DPP8: variants seen among roughly 807,000 people sequenced by gnomAD.
The protein encoded by DPP8 is dipeptidyl peptidase 8, also known as DPP VIII.
A neutral mutation model predicts 107.5 loss-of-function variants in DPP8; 31 were observed. The observed-to-expected ratio is 0.29, with a 90% CI of 0.22 to 0.39. The LOEUF is 0.39. Ranked by LOEUF, DPP8 falls within the 10% of genes least tolerant of loss-of-function variation. The probability of loss-of-function intolerance (pLI) is 1.00; values close to 1 mark genes in which losing one functional copy is unlikely to be tolerated. For missense variants in DPP8, 842 were observed against 1,076.1 expected (o/e 0.78, Z 3.04); for synonymous variants, 381 against 356.6 (o/e 1.07, Z -0.77).
intron 12 of DPP8, among the ~76,000 whole-genome samples, chr15:65,469,347 C>T (rs2065646074): frequency 6.9e-6 from 1 of 144,574 alleles, no homozygotes; most frequent in Non-Finnish European, 1.6e-5. Context: ...TTGAGAACCA[C>T]CCTTAACAAT....
intron 2 of DPP8, among the ~76,000 whole-genome samples, chr15:65,508,172 G>T (rs185930110): frequency 1.3e-5 from 2 of 150,902 alleles, no homozygotes; most frequent in Non-Finnish European, 3.0e-5. Context: ...CCCAGGAGAC[G>T]GAGATTGCAG....
At chr15:65,456,087 C>T (rs1407528454) in intron 16 of DPP8, 138 bp downstream of exon 16, 7 of 1,082,268 alleles carry the variant, frequency 6.5e-6, no homozygotes, top group Non-Finnish European at 9.0e-6. Flanking sequence ...TTCTCTCCCA[C>T]CCCCAAACTC....
At chr15:65,447,228 GT>G (rs141277247) in intron 19 of DPP8, among the ~76,000 whole-genome samples, 9,132 of 152,144 alleles carry the variant, frequency 0.06, 272 homozygotes, top group African/African-American at 0.082. Context: ...CCAATGGTTT[GT>G]TCTCTAAGTG....
chr15:65,487,722 C>G lies in DPP8; in HGVS notation c.923G>C (p.Arg308Thr). 6.2e-7 allele frequency: 1 copy of G among 1,609,864 alleles called. No homozygotes were observed. Among genetic ancestry groups the G allele is most frequent in the South Asian group, 1.1e-5 (1 of 90,422 alleles). ...IHVTSPMLETRRADSFRYPKT... is the reference protein window; with the variant it reads ...IHVTSPMLETTRADSFRYPKT... ...AGGATAACGGAATGAATCTGCCCTCCTTGTTTCCAACATAGGGGATGTAAC... is the reference window on the plus strand; with the variant it reads ...AGGATAACGGAATGAATCTGCCCTCGTTGTTTCCAACATAGGGGATGTAAC... Residue 308 changes from arginine (R) to threonine (T), a missense_variant, in exon 7 of 20, where the codon AGG becomes ACG. Transcript: ENST00000300141.
intron 12 of DPP8, among the ~76,000 whole-genome samples, chr15:65,469,653 CAAAAAAA>C (rs61311948): frequency 6.8e-4 from 45 of 66,508 alleles, no homozygotes; most frequent in Admixed American, 3.3e-3. Context: ...AACTCCGTCT[CAAAAAAA>C]AAAAAAAAAA....
Position 65,474,258 on chromosome 15 carries a change from A to G in DPP8, c.1487T>C (p.Ile496Thr). ...TTCCCATTCACCACTGGTAATTGCT[A>G]TCTCCTCTTTGATAGGACACTTGAA... is the stretch of plus-strand genomic sequence containing the variant. The part of the protein sequence containing the change: ...SDFKCPIKEE[I>T]AITSGEWEVL... Residue 496 changes from isoleucine to threonine, a missense_variant, in exon 12 of 20, where the codon ATA becomes ACA. Ile to Thr is a moderately conservative substitution (Grantham distance 89, BLOSUM62 -1). Coordinates refer to ENST00000300141, the MANE Select transcript of DPP8 (RefSeq NM_130434.5). 6.2e-7 allele frequency: 1 copy of G among 1,612,486 alleles called. No homozygotes were observed. Among genetic ancestry groups the G allele is most frequent in the Non-Finnish European group, 8.5e-7 (1 of 1,178,562 alleles).
chr15:65,486,666 A>C (rs1457882252), intron 7 of DPP8, among the ~76,000 whole-genome samples: 1 of 152,194 alleles, frequency 6.6e-6, no homozygotes, highest in African/African-American at 2.4e-5. Context: ...AAAAGGAACA[A>C]AATAATGGCA....
chr15:65,481,016 T>C (rs1460406766), intron 9 of DPP8, among the ~76,000 whole-genome samples: 1 of 151,606 alleles, frequency 6.6e-6, no homozygotes, highest in Non-Finnish European at 1.5e-5. Flanking sequence ...CCAGGGAGGT[T>C]GAGGCTGCAG....
At chr15:65,479,210 TTTTAC>T (rs2066676323) in intron 10 of DPP8, among the ~76,000 whole-genome samples, 171 bp from the exon 11 acceptor site, 2 of 152,172 alleles carry the variant, frequency 1.3e-5, no homozygotes, top group Admixed American at 1.3e-4. Context: ...TTCAGATTTA[TTTTAC>T]TTTAGTCAAA....
rs981001646 is a variant in DPP8, at chr15:65,446,035, T to C, written c.*849A>G. 6.6e-6 allele frequency: 1 copy of C among 151,948 alleles called. No homozygotes were observed. The highest frequency in any genetic ancestry group is 1.5e-5 in the Non-Finnish European group (1 of 67,990). 9.4% of individuals were successfully genotyped at this position (151,948 alleles called of 1,614,324 possible). On this transcript the variant is annotated 3_prime_UTR_variant, in exon 20 of 20. Transcript: ENST00000300141. ...TGGAAACTGGCACCACTAAATTTTC[T>C]GAAGAATTCTAGTGAATGTGTACTT...
chr15:65,467,084 C>A lies in DPP8; in HGVS notation c.1676G>T (p.Cys559Phe). ...CAAACTTAATACCTGACTGATGCAG[C>A]AAGAATGTGAGTAGCCACGGTCAGT... is the stretch of plus-strand genomic sequence containing the variant. Reference protein sequence around the residue: ...RLTDRGYSHSCCISQHCDFFI... With the variant: ...RLTDRGYSHSFCISQHCDFFI... Residue 559 changes from cysteine (C) to phenylalanine (F), a missense_variant, in exon 13 of 20, where the codon TGC becomes TTC. Coordinates refer to ENST00000300141, the MANE Select transcript of DPP8 (RefSeq NM_130434.5). The A allele has an allele frequency of 6.2e-7, 1 of 1,614,110 alleles. No homozygotes were observed. Among genetic ancestry groups the A allele is most frequent in the Non-Finnish European group, 8.5e-7 (1 of 1,180,016 alleles).
In DPP8 at chr15:65,499,105, G is replaced by GTGTGTGTGTGTTTGTGTGTGTGTGTATA. The variant is rs1555468189; in HGVS notation, c.547-1074_547-1073insTATACACACACACACAAACACACACACA. ...TGTGTGTGTGTGTGTGTGTGTGTGT[G>GTGTGTGTGTGTTTGTGTGTGTGTGTATA]TATATATAAATTTATTAAGATGAAT... On this transcript the variant is annotated intron_variant, in intron 4 of 19. Coordinates refer to ENST00000300141, the MANE Select transcript of DPP8 (RefSeq NM_130434.5). 1.4e-3 allele frequency among the ~76,000 whole-genome samples: 191 copies of GTGTGTGTGTGTTTGTGTGTGTGTGTATA among 138,824 alleles called. 2 individuals are homozygous for GTGTGTGTGTGTTTGTGTGTGTGTGTATA. Among genetic ancestry groups the GTGTGTGTGTGTTTGTGTGTGTGTGTATA allele is most frequent in the African/African-American group, 4.9e-3 (184 of 37,662 alleles). The allele number at this position is 138,824 out of a possible 152,430, so 91.1% of individuals were successfully genotyped here.
At chr15:65,449,816 G>C (rs1346375715) in intron 19 of DPP8, among the ~76,000 whole-genome samples, 1 of 152,152 alleles carries the variant, frequency 6.6e-6, no homozygotes, top group African/African-American at 2.4e-5. Flanking sequence ...AAGAATGCAA[G>C]TGTCTTCTTT....
intron 15 of DPP8, among the ~76,000 whole-genome samples, chr15:65,458,237 A>G (rs1394829729): frequency 6.6e-6 from 1 of 151,998 alleles, no homozygotes; most frequent in Admixed American, 6.6e-5. Context: ...GGCACATTCT[A>G]GGAAACATAA....
intron 8 of DPP8, among the ~76,000 whole-genome samples, chr15:65,482,154 T>G (rs2066989102): frequency 6.6e-6 from 1 of 152,080 alleles, no homozygotes; most frequent in African/African-American, 2.4e-5. Context: ...TGCCTCAGCC[T>G]CCTGAGTAGC....
chr15:65,509,913 T>C (rs2141092354), intron 2 of DPP8, among the ~76,000 whole-genome samples: 1 of 152,024 alleles, frequency 6.6e-6, no homozygotes, highest in East Asian at 1.9e-4. Context: ...CCCAGCTACT[T>C]GGGAGGCTGA....
At chr15:65,501,728 A>G (rs772343241) in intron 3 of DPP8, among the ~76,000 whole-genome samples, 4 of 152,168 alleles carry the variant, frequency 2.6e-5, no homozygotes, top group Non-Finnish European at 5.9e-5. Context: ...ATAAAACTCA[A>G]TGAGTGGTTT....
Position 65,463,875 on chromosome 15 carries a change from A to C in DPP8, c.1857T>G (p.Ile619Met). The C allele has an allele frequency of 1.3e-6, 2 of 1,595,472 alleles. No homozygotes were observed. Among genetic ancestry groups the C allele is most frequent in the Non-Finnish European group, 1.7e-6 (2 of 1,173,680 alleles). The change falls in exon 15 of 20, where the codon ATT becomes ATG. Residue 619 changes from isoleucine (I) to methionine (M), a missense_variant. Ile to Met is a conservative substitution (Grantham distance 10, BLOSUM62 1). Around this residue, in one of 2 missense-constraint regions of DPP8, gnomAD observed 663 missense variants for 758.0 expected, o/e 0.87. Transcript: ENST00000300141. ...ATCCAGTAGTACTTTCAAAAGAGAA[A>C]ATTTCTGGAGGAGTATAGTCAGGAA... ...GPLPDYTPPE[I>M]FSFESTTGFT...
intron 11 of DPP8, among the ~76,000 whole-genome samples, chr15:65,474,558 G>C (rs764824478): frequency 6.6e-6 from 1 of 152,142 alleles, no homozygotes; most frequent in Non-Finnish European, 1.5e-5. Context: ...ACAGCTCACT[G>C]CAGCCTTGAC....
Sources: gnomAD v4.1 joint callset for allele counts (sites outside exome capture counted in the v4.1 genomes callset) on GRCh38, gnomAD v4.1.1 for gene constraint, gnomAD v4.1.1 regional missense constraint, MANE v1.5 for transcripts, NCBI Gene and HGNC (gene_info 2026-07-23, HGNC 2026-07-21) for gene names.